The following RBFOX1 variants were observed in gnomAD, a reference collection of about 807,000 sequenced individuals.
RBFOX1 encodes RNA binding fox-1 homolog 1.
In RBFOX1, 8 loss-of-function variants were observed where a neutral mutation model predicts 57.7. The ratio of observed to expected loss-of-function variants is 0.14; its 90% CI spans 0.08 to 0.25. The LOEUF (loss-of-function observed/expected upper bound fraction) is 0.25, where lower values mean the gene tolerates loss of function less well. Ranked by LOEUF, RBFOX1 falls within the 10% of genes least tolerant of loss-of-function variation. The probability of loss-of-function intolerance (pLI) is 1.00; values close to 1 mark genes in which losing one functional copy is unlikely to be tolerated. For missense variants in RBFOX1, 611 were observed against 548.5 expected (o/e 1.11, Z -1.14); for synonymous variants, 326 against 222.4 (o/e 1.47, Z -4.15).
intron 2 of RBFOX1, among the ~76,000 whole-genome samples, chr16:6,653,318 C>G (rs999042415): frequency 2.0e-5 from 3 of 152,096 alleles, no homozygotes; most frequent in African/African-American, 2.4e-5. Flanking sequence ...TAATGCTTGT[C>G]TTGTCCAGAA....
At chr16:5,615,683 T>C (rs2047996951) in intron 3 of RBFOX1, among the ~76,000 whole-genome samples, 1 of 152,190 alleles carries the variant, frequency 6.6e-6, no homozygotes, top group Admixed American at 6.5e-5. Flanking sequence ...GAGCCGTTTC[T>C]ATGTGTCAAG....
intron 3 of RBFOX1, among the ~76,000 whole-genome samples, chr16:6,666,738 G>A (rs902964849): frequency 6.6e-6 from 1 of 152,020 alleles, no homozygotes; most frequent in East Asian, 1.9e-4. Flanking sequence ...ACAGGTAAAC[G>A]GTGACTTACG....
chr16:6,857,883 C>T lies in RBFOX1; in HGVS notation c.-15-194174C>T, dbSNP rs138333218. ...TTACCATTTAGCAACCTGTCAAATC[C>T]TGAGCTAATGAGCCTATCCCACAGA... On this transcript the variant is annotated intron_variant, in intron 3 of 15. Coordinates refer to ENST00000550418, the MANE Select transcript of RBFOX1 (RefSeq NM_018723.4). Among the ~76,000 whole-genome samples the T allele has an allele frequency of 8.6e-3, 1,306 of 152,290 alleles. 5 individuals carry two copies. Among genetic ancestry groups the T allele is most frequent in the Non-Finnish European group, 0.013 (916 of 68,030 alleles).
intron 4 of RBFOX1, among the ~76,000 whole-genome samples, chr16:7,296,022 G>A (rs1420356512): frequency 1.3e-5 from 2 of 151,814 alleles, no homozygotes; most frequent in East Asian, 3.9e-4. Flanking sequence ...TAGTCTCCTC[G>A]TGATAGCTAA....
intron 1 of RBFOX1, among the ~76,000 whole-genome samples, chr16:6,182,319 A>G (rs2097069826): frequency 6.6e-6 from 1 of 152,168 alleles, no homozygotes; most frequent in Non-Finnish European, 1.5e-5. Context: ...TCACTTTCAT[A>G]AAGTGTTGCT....
chr16:6,955,359 C>CACAG (rs1367565384), intron 3 of RBFOX1, among the ~76,000 whole-genome samples: 1 of 151,768 alleles, frequency 6.6e-6, no homozygotes, highest in African/African-American at 2.4e-5. Flanking sequence ...CACACACACA[C>CACAG]ACACACACAC....
chr16:6,913,815 A>C (rs530291166), intron 3 of RBFOX1, among the ~76,000 whole-genome samples: 4 of 152,260 alleles, frequency 2.6e-5, no homozygotes, highest in East Asian at 1.9e-4. Flanking sequence ...GGCATGCTAA[A>C]CTACTTCCCA....
At chr16:6,871,802 A>T (rs908293354) in intron 3 of RBFOX1, among the ~76,000 whole-genome samples, 1 of 152,104 alleles carries the variant, frequency 6.6e-6, no homozygotes, top group Non-Finnish European at 1.5e-5. Flanking sequence ...AAGTCTGGAA[A>T]TGTTGTCAGT....
rs542898195 is a variant in RBFOX1 at position 7,599,638 on chromosome 16, C to CTTTTTTTTTTTTT, written c.622+2219_622+2220insTTTTTTTTTTTTT. Reference sequence around the variant, plus strand: ...GAGAAGATGAAGAAATTAATAAAGACTTTTTTTTTTTTCTTTTTTTTTTTT... The same window carrying CTTTTTTTTTTTTT: ...GAGAAGATGAAGAAATTAATAAAGACTTTTTTTTTTTTTTTTTTTTTTTTTCTTTTTTTTTTTT... On this transcript the variant is annotated intron_variant, in intron 9 of 15. Transcript: ENST00000550418. Among the ~76,000 whole-genome samples the CTTTTTTTTTTTTT allele has an allele frequency of 3.0e-4, 19 of 62,802 alleles. 6 individuals are homozygous for CTTTTTTTTTTTTT. The highest frequency in any genetic ancestry group is 5.4e-4 in the African/African-American group (11 of 20,312). 41.2% of individuals were successfully genotyped at this position (62,802 alleles called of 152,430 possible).
At chr16:6,743,767 A>G (rs186942125) in intron 3 of RBFOX1, among the ~76,000 whole-genome samples, 28 of 150,522 alleles carry the variant, frequency 1.9e-4, no homozygotes, top group Admixed American at 1.7e-3. Flanking sequence ...AAAAGGAAAG[A>G]AGGAAGAAAA....
chr16:5,374,062 C>T (rs917395995), intron 1 of RBFOX1, among the ~76,000 whole-genome samples: 1 of 151,964 alleles, frequency 6.6e-6, no homozygotes, highest in South Asian at 2.1e-4. Context: ...CGATTACAGG[C>T]ACCTGCCATC....
At chr16:6,672,450 A>T (rs1411864961) in intron 3 of RBFOX1, among the ~76,000 whole-genome samples, 1 of 151,582 alleles carries the variant, frequency 6.6e-6, no homozygotes, top group Non-Finnish European at 1.5e-5. Context: ...AAGAGAAAAG[A>T]AAGGAAAGGA....
At chr16:5,718,988 A>C (rs7198883) in intron 3 of RBFOX1, among the ~76,000 whole-genome samples, 1 of 147,642 alleles carries the variant, frequency 6.8e-6, no homozygotes, top group Non-Finnish European at 1.5e-5. Flanking sequence ...AAAAAAAACA[A>C]TATTCCCAAC....
chr16:5,786,738 C>T (rs779472039), intron 3 of RBFOX1, among the ~76,000 whole-genome samples: 5 of 152,192 alleles, frequency 3.3e-5, no homozygotes, highest in Non-Finnish European at 7.3e-5. Flanking sequence ...AGCCATTTCA[C>T]ATTTGACTGG....
chr16:5,999,633 G>A (rs1161641154), intron 4 of RBFOX1, among the ~76,000 whole-genome samples: 1 of 152,070 alleles, frequency 6.6e-6, no homozygotes, highest in Non-Finnish European at 1.5e-5. Flanking sequence ...AGGCTGAGGT[G>A]GGCGGATCAC....
intron 1 of RBFOX1, among the ~76,000 whole-genome samples, chr16:5,407,658 C>A (rs2066902929): frequency 6.6e-6 from 1 of 152,144 alleles, no homozygotes; most frequent in African/African-American, 2.4e-5. Flanking sequence ...AAGCAATTAT[C>A]CTGCCTCAGC....
At chr16:7,207,054 A>G (rs919104543) in intron 4 of RBFOX1, among the ~76,000 whole-genome samples, 4 of 152,116 alleles carry the variant, frequency 2.6e-5, no homozygotes, top group Admixed American at 6.5e-5. Context: ...GGCTTTATGG[A>G]AATACCCTAC....
At chr16:6,775,417 G>A (rs180974989) in intron 3 of RBFOX1, among the ~76,000 whole-genome samples, 46 of 149,786 alleles carry the variant, frequency 3.1e-4, no homozygotes, top group South Asian at 8.5e-4. Flanking sequence ...GGATTAGAAA[G>A]GTATGAAGAA....
intron 4 of RBFOX1, among the ~76,000 whole-genome samples, chr16:7,364,643 G>A (rs2097402420): frequency 6.6e-6 from 1 of 151,390 alleles, no homozygotes; most frequent in Non-Finnish European, 1.5e-5. Flanking sequence ...TTAGAGGCTG[G>A]CTGTAGAATG....
Sources: gnomAD v4.1 joint callset for allele counts (sites outside exome capture counted in the v4.1 genomes callset) on GRCh38, gnomAD v4.1.1 for gene constraint, MANE v1.5 for transcripts, NCBI Gene and HGNC (gene_info 2026-07-23, HGNC 2026-07-21) for gene names.